The following APPL2 variants were observed in gnomAD, a reference collection of about 807,000 sequenced individuals.
The protein encoded by APPL2 is DCC-interacting protein 13-beta.
Under a neutral mutation model 92.7 loss-of-function variants are expected in APPL2, and 84 were observed. The observed-to-expected ratio is 0.91, with a 90% CI of 0.76 to 1.09. The LOEUF is 1.09. APPL2 is among the 50% of genes least tolerant of loss of function. The pLI is 0.00. For missense variants in APPL2, 736 were observed against 824.5 expected (o/e 0.89, Z 1.31); for synonymous variants, 291 against 291.0 (o/e 1.00, Z 0.00).
intron 4 of APPL2, 44 bp downstream of exon 4, chr12:105,217,025 T>A (rs769699449): frequency 7.1e-7 from 1 of 1,411,210 alleles, no homozygotes; most frequent in Admixed American, 2.0e-5. Context: ...CAAAAGAAAG[T>A]TCGAGAAAGA....
Position 105,203,733 on chromosome 12 carries a change from A to C in APPL2, c.674T>G (p.Phe225Cys). 6.2e-7 allele frequency: 1 copy of C among 1,614,216 alleles called. No homozygotes were observed. Among genetic ancestry groups the C allele is most frequent in the South Asian group, 1.1e-5 (1 of 91,082 alleles). ...AACCATGTCTGCAACGGAGGATAAA[A>C]AGCTGTCCATACGTTTGGAAAACAT... is the stretch of plus-strand genomic sequence containing the variant. The part of the protein sequence containing the change: ...AEMFSKRMDS[F>C]LSSVADMVQS... The change falls in exon 9 of 21, where the codon TTT becomes TGT. Residue 225 changes from phenylalanine (F) to cysteine (C), a missense_variant. Physicochemically the swap from Phe to Cys is radical, Grantham distance 205. Coordinates refer to ENST00000258530, the MANE Select transcript of APPL2 (RefSeq NM_018171.5).
Position 105,188,422 on chromosome 12 carries a change from T to A in APPL2, c.1485A>T (p.Ile495=). The change falls in exon 17 of 21, where the codon ATA becomes ATT. Residue 495 remains isoleucine, a synonymous_variant. Coordinates refer to ENST00000258530, the MANE Select transcript of APPL2 (RefSeq NM_018171.5). ...AEDSLLQQMF[I]VRFLGSMAVK... The stretch of plus-strand genomic sequence containing the variant: ...CTGCCATTGATCCCAAAAACCGAAC[T>A]ATAAACATCTGCTGCAAAAGAGAAT... 1 of 1,614,160 alleles carries A rather than the reference T, an allele frequency of 6.2e-7. No individual in the cohort carries two copies. Among genetic ancestry groups the A allele is most frequent in the Non-Finnish European group, 8.5e-7 (1 of 1,180,008 alleles).
At position 105,182,175 on chromosome 12, in the gene APPL2, C is replaced by T. The variant is rs1389325006; in HGVS notation, c.1635-4913G>A. Reference sequence around the variant, plus strand: ...CCAGTAGCTGGGATTACATAGGTGCCTGCCACCACACCTAGCAAATTTTTT... The same window carrying T: ...CCAGTAGCTGGGATTACATAGGTGCTTGCCACCACACCTAGCAAATTTTTT... On this transcript the variant is annotated intron_variant, in intron 17 of 20. Coordinates refer to ENST00000258530, the MANE Select transcript of APPL2 (RefSeq NM_018171.5). Among the ~76,000 whole-genome samples, 3 of 152,234 alleles carry T rather than the reference C, an allele frequency of 2.0e-5. No individual in the cohort carries two copies. The East Asian group carries it at 5.8e-4, about 29-fold the overall frequency.
chr12:105,233,270 C>CA (rs1259362450), intron 1 of APPL2: 1 of 985,318 alleles, frequency 1.0e-6, no homozygotes, highest in Non-Finnish European at 1.2e-6. Context: ...TCCCAACAGC[C>CA]AGTAGTGCCA....
intron 1 of APPL2, among the ~76,000 whole-genome samples, chr12:105,231,662 G>A (rs1196777): frequency 0.12 from 18,261 of 152,208 alleles, 1,505 homozygotes; most frequent in Non-Finnish European, 0.19. Flanking sequence ...CAGGACAGGG[G>A]CAGACTGGAG....
intron 17 of APPL2, among the ~76,000 whole-genome samples, chr12:105,181,344 C>T (rs550254625): frequency 1.3e-5 from 2 of 152,286 alleles, no homozygotes; most frequent in South Asian, 4.1e-4. Context: ...TTTTAATGTG[C>T]TGCTGGATTC....
At chr12:105,212,419 A>T (rs1275372330) in intron 4 of APPL2, among the ~76,000 whole-genome samples, 2 of 152,240 alleles carry the variant, frequency 1.3e-5, no homozygotes, top group Non-Finnish European at 2.9e-5. Flanking sequence ...TCTGTGAGTT[A>T]GGTATTATTT....
chr12:105,192,185 A>G (rs1296554433), intron 14 of APPL2, among the ~76,000 whole-genome samples: 1 of 152,080 alleles, frequency 6.6e-6, no homozygotes, highest in African/African-American at 2.4e-5. Context: ...TTATCCATCA[A>G]AAGTCCCACA....
chr12:105,227,093 C>T (rs1890566419), intron 2 of APPL2, among the ~76,000 whole-genome samples: 1 of 151,722 alleles, frequency 6.6e-6, no homozygotes, highest in South Asian at 2.1e-4. Context: ...TGTACTCCAT[C>T]CTGGGTGACA....
chr12:105,227,815 T>C (rs768236216), intron 2 of APPL2, among the ~76,000 whole-genome samples: 5 of 152,182 alleles, frequency 3.3e-5, no homozygotes, highest in Non-Finnish European at 5.9e-5. Flanking sequence ...ATAGGCATAA[T>C]AACAATAACA....
chr12:105,177,022 G>T lies in APPL2; in HGVS notation c.1672-6C>A. On this transcript the variant is annotated splice_polypyrimidine_tract_variant and splice_region_variant and intron_variant, in intron 18 of 20. Coordinates refer to ENST00000258530, the MANE Select transcript of APPL2 (RefSeq NM_018171.5). ...GTGACACTGGTAAGTTCAAACTGGG[G>T]GGTGGAAAAAAAGGCAACAGATCAT... is the stretch of plus-strand genomic sequence containing the variant. 1 of 1,612,750 alleles carries T rather than the reference G, an allele frequency of 6.2e-7. No homozygotes were observed. Among genetic ancestry groups the T allele is most frequent in the Non-Finnish European group, 8.5e-7 (1 of 1,179,656 alleles).
chr12:105,187,907 G>C (rs1278783308), intron 17 of APPL2, among the ~76,000 whole-genome samples: 2 of 151,106 alleles, frequency 1.3e-5, no homozygotes, highest in Non-Finnish European at 2.9e-5. Flanking sequence ...TGATGGCCAA[G>C]TTATTTAGGC....
intron 2 of APPL2, among the ~76,000 whole-genome samples, chr12:105,219,963 C>T (rs1360509024): frequency 6.6e-6 from 1 of 152,246 alleles, no homozygotes; most frequent in African/African-American, 2.4e-5. Context: ...TCATTCATGC[C>T]AGACCCTATG....
At position 105,229,090 on chromosome 12, in the gene APPL2, ACT is replaced by A. The variant is rs745877858; in HGVS notation, c.153+33_153+34del. 1.9e-6 allele frequency: 3 copies of A among 1,565,624 alleles called. No homozygotes were observed. In the African/African-American group the frequency reaches 4.1e-5, roughly 21 times the overall value. On this transcript the variant is annotated intron_variant, in intron 2 of 20. Coordinates refer to ENST00000258530, the MANE Select transcript of APPL2 (RefSeq NM_018171.5). Reference sequence around the variant, plus strand: ...TTCAGGATGAGGGGAGAGAATGCCCACTCTGCGGTATCCAGGTGAGGGGTGGC... The same window carrying A: ...TTCAGGATGAGGGGAGAGAATGCCCACTGCGGTATCCAGGTGAGGGGTGGC...
At chr12:105,192,891 G>C (rs1346286077) in intron 14 of APPL2, among the ~76,000 whole-genome samples, 3 of 152,212 alleles carry the variant, frequency 2.0e-5, no homozygotes, top group African/African-American at 7.2e-5. Flanking sequence ...CAGAATGAGG[G>C]AAGTCCACAC....
At chr12:105,219,448 A>C (rs1360618250) in intron 2 of APPL2, among the ~76,000 whole-genome samples, 1 of 152,232 alleles carries the variant, frequency 6.6e-6, no homozygotes, top group African/African-American at 2.4e-5. Flanking sequence ...TTCTAGCCAC[A>C]TAGTCAGGAA....
intron 14 of APPL2, among the ~76,000 whole-genome samples, chr12:105,191,103 G>A (rs1041181665): frequency 3.3e-5 from 5 of 152,150 alleles, no homozygotes; most frequent in African/African-American, 1.2e-4. Context: ...TGAATGTAGT[G>A]TATCAAACTA....
At chr12:105,216,229 G>A (rs1889678195) in intron 4 of APPL2, among the ~76,000 whole-genome samples, 1 of 151,934 alleles carries the variant, frequency 6.6e-6, no homozygotes, top group Admixed American at 6.6e-5. Context: ...ACCCTTTGTA[G>A]TAAGCTAGGC....
intron 17 of APPL2, among the ~76,000 whole-genome samples, chr12:105,184,211 T>C (rs1886386112): frequency 6.6e-6 from 1 of 152,222 alleles, no homozygotes; most frequent in Admixed American, 6.5e-5. Context: ...AACATGCTCC[T>C]TTAGCTTGGA....
Sources: gnomAD v4.1 joint callset for allele counts (sites outside exome capture counted in the v4.1 genomes callset) on GRCh38, gnomAD v4.1.1 for gene constraint, MANE v1.5 for transcripts, NCBI Gene and HGNC (gene_info 2026-07-23, HGNC 2026-07-21) for gene names.